CPT1A: variants seen among roughly 807,000 people sequenced by gnomAD.
The protein encoded by CPT1A is carnitine O-palmitoyltransferase 1, liver isoform.
CPT1A carries 64 observed loss-of-function variants against 100.8 expected under a neutral mutation model. That is an observed-to-expected ratio of 0.63 (90% CI 0.52 to 0.78). The LOEUF is 0.78. Among genes scored for constraint, CPT1A ranks in the 30% least tolerant of loss-of-function variants. The pLI is 0.00. For missense variants in CPT1A, 802 were observed against 1,034.1 expected (o/e 0.78, Z 3.08); for synonymous variants, 363 against 396.0 (o/e 0.92, Z 0.99).
chr11:68,762,628 G>A lies in CPT1A; in HGVS notation c.1874C>T (p.Thr625Met), dbSNP rs142473901. ...GTCCTCAGCCTGATGGCACATTACCGTCTGGGCCGGGTCCACCATGGCCCG... is the reference window on the plus strand; with the variant it reads ...GTCCTCAGCCTGATGGCACATTACCATCTGGGCCGGGTCCACCATGGCCCG... ...FVRAMVDPAQ[T>M]VEQRLKLFKL... Residue 625 changes from threonine to methionine, a missense_variant and splice_region_variant, in exon 15 of 19, where the codon ACG (threonine) becomes ATG (methionine). This residue lies in a region of CPT1A where 627 missense variants were observed against 799.3 expected (regional missense o/e 0.78). Transcript: ENST00000265641. The A allele has an allele frequency of 1.9e-5, 30 of 1,613,398 alleles. 1 individual carries two copies. The highest frequency in any genetic ancestry group is 1.1e-4 in the African/African-American group (8 of 74,916).
intron 9 of CPT1A, chr11:68,785,935 C>T (rs1206493750): frequency 2.2e-5 from 15 of 688,190 alleles, no homozygotes; most frequent in African/African-American, 3.5e-5. Flanking sequence ...TTAAACATCA[C>T]AGAAATGTGA....
intron 15 of CPT1A, among the ~76,000 whole-genome samples, chr11:68,762,049 G>A (rs561847774): frequency 1.3e-5 from 2 of 152,330 alleles, no homozygotes; most frequent in African/African-American, 4.8e-5. Context: ...CGGACCCAGT[G>A]GCCTGGGTCT....
rs574929166 is a variant in CPT1A at position 68,818,632 on chromosome 11, G to C, written c.-13-3145C>G. On this transcript the variant is annotated intron_variant, in intron 1 of 18. Coordinates refer to ENST00000265641, the MANE Select transcript of CPT1A (RefSeq NM_001876.4). ...CCAGCACTTTGGGAGGCTGACGTGG[G>C]AGGATCGCTTGAGTCCAGGAACTCA... 2.0e-5 allele frequency: 3 copies of C among 152,812 alleles called. No homozygotes were observed. In the East Asian group the frequency reaches 5.8e-4, roughly 29 times the overall value. 9.5% of individuals were successfully genotyped at this position (152,812 alleles called of 1,614,324 possible).
chr11:68,818,439 C>T (rs4930614), intron 1 of CPT1A, among the ~76,000 whole-genome samples: 2,566 of 152,294 alleles, frequency 0.017, 267 homozygotes, highest in Admixed American at 0.16. Flanking sequence ...CTGGGCAAGA[C>T]GACACACCCG....
At chr11:68,822,594 A>G (rs1026898363) in intron 1 of CPT1A, among the ~76,000 whole-genome samples, 125 of 152,260 alleles carry the variant, frequency 8.2e-4, no homozygotes, top group African/African-American at 2.9e-3. Flanking sequence ...TTCCATTTCT[A>G]CATATATACC....
In CPT1A at chr11:68,757,308, A is replaced by G; in HGVS notation, c.*336T>C. 1 of 1,195,194 alleles carries G rather than the reference A, an allele frequency of 8.4e-7. No individual in the cohort carries two copies. The highest frequency in any genetic ancestry group is 1.9e-5 in the South Asian group (1 of 51,332). 74.0% of individuals were successfully genotyped at this position (1,195,194 alleles called of 1,614,324 possible). A position where few individuals can be genotyped will look rare whatever the true frequency, so the allele number is the denominator to read the frequency against. On this transcript the variant is annotated 3_prime_UTR_variant, in exon 19 of 19. Coordinates refer to ENST00000265641, the MANE Select transcript of CPT1A (RefSeq NM_001876.4). ...TCGGTTGCCACTGAGAAAGCACACC[A>G]TTTCCATTCCACTGTGTGTGAAGCC...
Position 68,780,724 on chromosome 11 carries a change from C to T in CPT1A, c.1374G>A (p.Thr458=), listed in dbSNP as rs766448516. 2.6e-5 allele frequency: 42 copies of T among 1,614,080 alleles called. No homozygotes were observed. Among genetic ancestry groups the T allele is most frequent in the South Asian group, 1.4e-4 (13 of 91,088 alleles). ...TCTTCCCGTTTTTGAAGACAACAAA[C>T]GTGAACGACTTGTCAAACCACCTAC... ...CYDRWFDKSF[T]FVVFKNGKMG... Residue 458 remains threonine, a synonymous_variant, in exon 12 of 19, where the codon ACG becomes ACA. Transcript: ENST00000265641.
chr11:68,839,574 C>T, intron 1 of CPT1A: 1 of 985,512 alleles, frequency 1.0e-6, no homozygotes, highest in African/African-American at 1.7e-5. Context: ...AGGTCGAGCC[C>T]TGCGGTGCCC....
chr11:68,830,152 C>T (rs1241827306), intron 1 of CPT1A, among the ~76,000 whole-genome samples: 5 of 152,184 alleles, frequency 3.3e-5, no homozygotes, highest in African/African-American at 1.2e-4. Flanking sequence ...GTGGCGCACA[C>T]CGGTGGTCCT....
At chr11:68,817,678 G>C in intron 1 of CPT1A, among the ~76,000 whole-genome samples, 1 of 122,066 alleles carries the variant, frequency 8.2e-6, no homozygotes, top group Non-Finnish European at 1.9e-5. Flanking sequence ...GGGGGTCAAG[G>C]GCAGGTGTCT....
chr11:68,814,401 G>C (rs1409310409), intron 2 of CPT1A, among the ~76,000 whole-genome samples: 2 of 151,952 alleles, frequency 1.3e-5, no homozygotes, highest in Non-Finnish European at 2.9e-5. Flanking sequence ...CCGCCTCCCG[G>C]GTTCGTGCCA....
chr11:68,802,341 T>C (rs1028530323), intron 5 of CPT1A, among the ~76,000 whole-genome samples: 2 of 150,376 alleles, frequency 1.3e-5, no homozygotes, highest in Admixed American at 1.3e-4. Flanking sequence ...TTTTGTTCAA[T>C]TAAAGAAAAA....
In CPT1A at chr11:68,807,628, A is replaced by T. The variant is rs201446439; in HGVS notation, c.292T>A (p.Ser98Thr). The change falls in exon 4 of 19, where the codon TCC (serine) becomes ACC (threonine). Residue 98 changes from serine to threonine, a missense_variant. Physicochemically the swap from Ser to Thr is moderately conservative, Grantham distance 58 (BLOSUM62 1). Transcript: ENST00000265641. ...CTGACCACGTTCTTCGTCTGGCTGG[A>T]CATGCAGTTGCTGTGGAGACAGACC... ...NRTLETANCMSSQTKNVVSGV... is the reference protein window; with the variant it reads ...NRTLETANCMTSQTKNVVSGV... 12 of 1,613,954 alleles carry T rather than the reference A, an allele frequency of 7.4e-6. No homozygotes were observed. The highest frequency in any genetic ancestry group is 1.0e-5 in the Non-Finnish European group (12 of 1,180,050).
At position 68,804,046 on chromosome 11, in the gene CPT1A, G is replaced by A. The variant is rs753793488; in HGVS notation, c.509C>T (p.Ser170Leu). 4.3e-6 allele frequency: 7 copies of A among 1,614,108 alleles called. No individual in the cohort carries two copies. Among genetic ancestry groups the A allele is most frequent in the South Asian group, 2.2e-5 (2 of 91,090 alleles). The change falls in exon 5 of 19, where the codon TCG (serine) becomes TTG (leucine). Residue 170 changes from serine to leucine, a missense_variant. By Grantham distance (145) the Ser-to-Leu change is moderately radical. Around this residue, in one of 4 missense-constraint regions of CPT1A, gnomAD observed 3 missense variants for 19.7 expected, o/e 0.15. Coordinates refer to ENST00000265641, the MANE Select transcript of CPT1A (RefSeq NM_001876.4). Reference protein sequence around the residue: ...RKPMLYSFQTSLPRLPVPAVK... With the variant: ...RKPMLYSFQTLLPRLPVPAVK... ...AGCCGGGACCGGCAGGCGAGGCAGC[G>A]ATGTCTGGAAGCTGTACAACATGGG... is the stretch of plus-strand genomic sequence containing the variant.
At chr11:68,794,101 A>G (rs1855691338) in intron 8 of CPT1A, among the ~76,000 whole-genome samples, 1 of 152,228 alleles carries the variant, frequency 6.6e-6, no homozygotes, top group Admixed American at 6.5e-5. Flanking sequence ...CAACAGATGT[A>G]TATTCATTTA....
At chr11:68,834,400 C>A (rs1236611697) in intron 1 of CPT1A, among the ~76,000 whole-genome samples, 1 of 152,204 alleles carries the variant, frequency 6.6e-6, no homozygotes, top group Non-Finnish European at 1.5e-5. Flanking sequence ...CATGCCACTG[C>A]ACCCCAGCCT....
chr11:68,824,584 G>A (rs757079406), intron 1 of CPT1A, among the ~76,000 whole-genome samples: 7 of 152,164 alleles, frequency 4.6e-5, no homozygotes, highest in Non-Finnish European at 8.8e-5. Flanking sequence ...TGTTTTTTAA[G>A]AGACAGAGTC....
At chr11:68,794,682 A>G in intron 8 of CPT1A, 122 bp downstream of exon 8, 1 of 879,310 alleles carries the variant, frequency 1.1e-6, no homozygotes, top group South Asian at 1.4e-5. Flanking sequence ...AAGTGCCAAG[A>G]TTACAGGCGT....
chr11:68,837,918 A>G (rs1305374572), intron 1 of CPT1A, among the ~76,000 whole-genome samples: 2 of 152,158 alleles, frequency 1.3e-5, no homozygotes, highest in African/African-American at 4.8e-5. Flanking sequence ...ATAATGAGGA[A>G]GGTGAATGTA....
Sources: allele counts gnomAD v4.1 joint callset (sites outside exome capture counted in the v4.1 genomes callset), GRCh38; gene constraint gnomAD v4.1.1; regional missense constraint gnomAD v4.1.1; transcripts MANE v1.5; gene names NCBI Gene and HGNC (gene_info 2026-07-23, HGNC 2026-07-21).